Variants in PARD3B observed in about 807,000 individuals in gnomAD.
PARD3B encodes the protein par-3 family cell polarity regulator beta.
In PARD3B, 103 loss-of-function variants were observed where a neutral mutation model predicts 130.2. That is an observed-to-expected ratio of 0.79 (90% CI 0.67 to 0.93). The LOEUF (loss-of-function observed/expected upper bound fraction) is 0.93. Ranked by LOEUF, PARD3B falls within the 40% of genes least tolerant of loss-of-function variation. PARD3B has a pLI of 0.00. For synonymous variants in PARD3B, 583 were observed against 553.2 expected (o/e 1.05, Z -0.76); for missense variants, 1,609 against 1,499.2 (o/e 1.07, Z -1.21).
intron 1 of PARD3B, among the ~76,000 whole-genome samples, chr2:204,547,968 A>C (rs961608738): frequency 8.5e-5 from 13 of 152,212 alleles, no homozygotes; most frequent in Admixed American, 6.5e-4. Flanking sequence ...TTACATTTAT[A>C]TATTAGTGAA....
In PARD3B at chr2:205,160,363, T is replaced by C. The variant is rs988951371; in HGVS notation, c.1620+1456T>C. On this transcript the variant is annotated intron_variant, in intron 11 of 22. Transcript: ENST00000406610. The surrounding 1 kb of genome is among the most constrained non-coding windows in gnomAD (Gnocchi z 4.0). ...TGCTGCACTTCTTTCTCCTGCTCCT[T>C]GGATCAGCAGGCTAGCTGGCGCATG... 7.2e-5 allele frequency among the ~76,000 whole-genome samples: 11 copies of C among 152,194 alleles called. No individual in the cohort carries two copies. The highest frequency in any genetic ancestry group is 2.0e-4 in the Admixed American group (3 of 15,274).
chr2:205,301,136 T>A lies in PARD3B; in HGVS notation c.2393-328T>A, dbSNP rs2041982277. 6.6e-6 allele frequency among the ~76,000 whole-genome samples: 1 copy of A among 152,194 alleles called. No homozygotes were observed. ...GGATATTTTGTACTCAAAACTCTCT[T>A]CTCACCCTGTTTGTTTCCCAGCATG... is the stretch of plus-strand genomic sequence containing the variant. On this transcript the variant is annotated intron_variant, in intron 17 of 22. Coordinates refer to ENST00000406610, the MANE Select transcript of PARD3B (RefSeq NM_001302769.2). The surrounding 1 kb of genome is among the most constrained non-coding windows in gnomAD (Gnocchi z 5.2).
At chr2:205,290,355 C>T (rs2041561696) in intron 16 of PARD3B, among the ~76,000 whole-genome samples, 1 of 152,088 alleles carries the variant, frequency 6.6e-6, no homozygotes, top group Non-Finnish European at 1.5e-5. Flanking sequence ...TCTGAGGCAG[C>T]AAAGAAAATG....
At chr2:205,314,902 T>C (rs1256715982) in intron 18 of PARD3B, among the ~76,000 whole-genome samples, 2 of 152,088 alleles carry the variant, frequency 1.3e-5, no homozygotes, top group East Asian at 3.9e-4. Flanking sequence ...CCGGGATGCC[T>C]CCCCCTTCCC....
intron 2 of PARD3B, among the ~76,000 whole-genome samples, chr2:204,840,402 A>G (rs2044215991): frequency 6.6e-6 from 1 of 152,186 alleles, no homozygotes; most frequent in Non-Finnish European, 1.5e-5. Context: ...CACTTCCAAT[A>G]TCATGCTTTC....
At chr2:205,567,289 T>A in intron 22 of PARD3B, among the ~76,000 whole-genome samples, 1 of 144,794 alleles carries the variant, frequency 6.9e-6, no homozygotes, top group East Asian at 2.1e-4. Flanking sequence ...GGATAAAGAA[T>A]ATAGAACATT....
intron 20 of PARD3B, among the ~76,000 whole-genome samples, chr2:205,453,571 T>G (rs2048174767): frequency 6.6e-6 from 1 of 152,146 alleles, no homozygotes; most frequent in Non-Finnish European, 1.5e-5. Flanking sequence ...ATTATGAAAC[T>G]TACCTATGGT....
chr2:204,742,151 T>C lies in PARD3B; in HGVS notation c.222+55869T>C, dbSNP rs188115023. The stretch of plus-strand genomic sequence containing the variant: ...AATTGTTCTTAGTATTTAACATGCA[T>C]TGTACCTTCTTATCCTTCTGAATAA... On this transcript the variant is annotated intron_variant, in intron 2 of 22. Transcript: ENST00000406610. 2.9e-3 allele frequency among the ~76,000 whole-genome samples: 449 copies of C among 152,320 alleles called. 1 individual carries two copies. The highest frequency in any genetic ancestry group is 9.6e-3 in the African/African-American group (399 of 41,566).
chr2:204,690,760 A>T (rs575127379), intron 2 of PARD3B, among the ~76,000 whole-genome samples: 39 of 152,178 alleles, frequency 2.6e-4, no homozygotes, highest in Admixed American at 5.2e-4. Context: ...GCAATAGGAC[A>T]CTAATACATA....
intron 10 of PARD3B, among the ~76,000 whole-genome samples, chr2:205,143,997 G>T (rs562861608): frequency 6.6e-6 from 1 of 152,162 alleles, no homozygotes; most frequent in East Asian, 1.9e-4. Context: ...TTGGTGGATG[G>T]GATTATTAGT....
intron 21 of PARD3B, among the ~76,000 whole-genome samples, chr2:205,529,492 C>T (rs2051485704): frequency 6.6e-6 from 1 of 152,054 alleles, no homozygotes; most frequent in Non-Finnish European, 1.5e-5. Context: ...CCTTTCAGAG[C>T]TCTTAGATTT....
chr2:205,206,001 G>C (rs1193100083), intron 15 of PARD3B, among the ~76,000 whole-genome samples: 2 of 152,086 alleles, frequency 1.3e-5, no homozygotes, highest in Non-Finnish European at 2.9e-5. Context: ...CTATTGTTTG[G>C]AATAGTTTCA....
At chr2:205,173,394 A>C (rs905181652) in intron 12 of PARD3B, among the ~76,000 whole-genome samples, 2 of 152,162 alleles carry the variant, frequency 1.3e-5, no homozygotes, top group African/African-American at 4.8e-5. Context: ...TGGCTATGTA[A>C]GTACATACAT....
intron 1 of PARD3B, among the ~76,000 whole-genome samples, chr2:204,632,247 A>T (rs1358609021): frequency 6.6e-6 from 1 of 152,060 alleles, no homozygotes; most frequent in Non-Finnish European, 1.5e-5. Context: ...TTCTGCCATG[A>T]TTGTAAGTTT....
chr2:204,930,203 T>G (rs1687925696), intron 2 of PARD3B, among the ~76,000 whole-genome samples: 1 of 148,914 alleles, frequency 6.7e-6, no homozygotes, highest in African/African-American at 2.5e-5. Flanking sequence ...ACATTCTATG[T>G]TTTTTTTTTC....
intron 6 of PARD3B, among the ~76,000 whole-genome samples, chr2:205,115,800 C>T (rs79639071): frequency 0.014 from 2,079 of 152,222 alleles, 45 homozygotes; most frequent in African/African-American, 0.047. Context: ...ACAGGGGCTT[C>T]GTTAAGGTCA....
At position 205,256,554 on chromosome 2, in the gene PARD3B, G is replaced by A. The variant is rs1178940478; in HGVS notation, c.2185+10732G>A. 2.0e-5 allele frequency among the ~76,000 whole-genome samples: 3 copies of A among 152,234 alleles called. No individual in the cohort carries two copies. The East Asian group carries it at 5.8e-4, about 29-fold the overall frequency. On this transcript the variant is annotated intron_variant, in intron 16 of 22. Coordinates refer to ENST00000406610, the MANE Select transcript of PARD3B (RefSeq NM_001302769.2). ...AGGAAGATTATGGTTGGGGGTCAAAGGGACCTTCTGCTTTATCTGTAGTAT... is the reference window on the plus strand; with the variant it reads ...AGGAAGATTATGGTTGGGGGTCAAAAGGACCTTCTGCTTTATCTGTAGTAT...
chr2:204,935,878 G>A (rs1005190052), intron 2 of PARD3B, among the ~76,000 whole-genome samples: 2 of 152,156 alleles, frequency 1.3e-5, no homozygotes, highest in Non-Finnish European at 2.9e-5. Context: ...AATCAGAGCT[G>A]ATGGTAGGCT....
Position 204,938,174 on chromosome 2 carries a change from GA to G in PARD3B, c.223-26972del, listed in dbSNP as rs573654757. On this transcript the variant is annotated intron_variant, in intron 2 of 22. Transcript: ENST00000406610. ...TTTCTCATTGGAAATATTAAAGGGG[GA>G]AAAAAGTCATTGTGACAAAACAGTA... 1.8e-4 allele frequency among the ~76,000 whole-genome samples: 27 copies of G among 152,250 alleles called. 1 individual carries two copies. In the East Asian group the frequency reaches 5.2e-3, roughly 29 times the overall value.
Sources: gnomAD v4.1 joint callset for allele counts (sites outside exome capture counted in the v4.1 genomes callset) on GRCh38, gnomAD v4.1.1 for gene constraint, Gnocchi (gnomAD v3.1) non-coding constraint, MANE v1.5 for transcripts, NCBI Gene and HGNC (gene_info 2026-07-23, HGNC 2026-07-21) for gene names.